The following ADGRB3 variants were observed in gnomAD, a reference collection of about 807,000 sequenced individuals.
The protein encoded by ADGRB3 is brain-specific angiogenesis inhibitor 3.
In ADGRB3, 37 loss-of-function variants were observed where a neutral mutation model predicts 193.4. The observed-to-expected ratio is 0.19, with a 90% CI of 0.15 to 0.25. The LOEUF (loss-of-function observed/expected upper bound fraction) is 0.25. Among genes scored for constraint, ADGRB3 ranks in the 10% least tolerant of loss-of-function variants. ADGRB3 has a pLI of 1.00. For missense variants in ADGRB3, 1,637 were observed against 1,852.9 expected (o/e 0.88, Z 2.14); for synonymous variants, 690 against 644.2 (o/e 1.07, Z -1.08).
rs953547088 is a variant in ADGRB3 at position 68,965,638 on chromosome 6, T to C, written c.1525+8829T>C. Reference sequence around the variant, plus strand: ...GATTAACAGCTAATCACTAGGTAATTGCTACCTTACTTTAAGGGGCATGCT... The same window carrying C: ...GATTAACAGCTAATCACTAGGTAATCGCTACCTTACTTTAAGGGGCATGCT... On this transcript the variant is annotated intron_variant, in intron 8 of 31. Coordinates refer to ENST00000370598, the MANE Select transcript of ADGRB3 (RefSeq NM_001704.3). 8.5e-5 allele frequency among the ~76,000 whole-genome samples: 13 copies of C among 152,170 alleles called. 1 individual carries two copies. Among genetic ancestry groups the C allele is most frequent in the African/African-American group, 2.9e-4 (12 of 41,448 alleles).
At chr6:69,179,797 T>C (rs1017772598) in intron 17 of ADGRB3, among the ~76,000 whole-genome samples, 10 of 152,212 alleles carry the variant, frequency 6.6e-5, no homozygotes, top group Admixed American at 2.6e-4. Context: ...GACTGTGCAG[T>C]TTGACTTACA....
chr6:69,171,975 AATTATTACAT>A (rs1775282441), intron 17 of ADGRB3, among the ~76,000 whole-genome samples: 1 of 152,196 alleles, frequency 6.6e-6, no homozygotes. Flanking sequence ...CATGCAAAGG[AATTATTACAT>A]ATGTCTTCCT....
chr6:69,160,992 T>G (rs1774970278), intron 17 of ADGRB3, among the ~76,000 whole-genome samples: 1 of 152,086 alleles, frequency 6.6e-6, no homozygotes, highest in Non-Finnish European at 1.5e-5. Flanking sequence ...CAAATCTTAA[T>G]TTTACCAGTT....
At chr6:69,262,204 C>T (rs953276891) in intron 20 of ADGRB3, among the ~76,000 whole-genome samples, 1 of 151,942 alleles carries the variant, frequency 6.6e-6, no homozygotes, top group South Asian at 2.1e-4. Flanking sequence ...TGGTTCATAG[C>T]GATCACATCT....
intron 26 of ADGRB3, among the ~76,000 whole-genome samples, chr6:69,341,590 T>G (rs559890907): frequency 6.6e-6 from 1 of 152,300 alleles, no homozygotes; most frequent in Non-Finnish European, 1.5e-5. Flanking sequence ...TTAGCAAGTT[T>G]CTACCTAGAA....
intron 3 of ADGRB3, among the ~76,000 whole-genome samples, chr6:68,878,825 A>G (rs545354050): frequency 1.1e-4 from 16 of 152,206 alleles, no homozygotes; most frequent in Non-Finnish European, 2.4e-4. Context: ...AAGCCTCACA[A>G]TCATGATGGA....
chr6:69,038,694 A>G (rs2150297061), intron 13 of ADGRB3, among the ~76,000 whole-genome samples: 1 of 152,354 alleles, frequency 6.6e-6, no homozygotes, highest in Non-Finnish European at 1.5e-5. Context: ...ATCACCTTAC[A>G]TTTCCCCATT....
chr6:68,954,902 C>T (rs951419228), intron 6 of ADGRB3, among the ~76,000 whole-genome samples: 1 of 151,998 alleles, frequency 6.6e-6, no homozygotes, highest in African/African-American at 2.4e-5. Context: ...AGAATGGTCT[C>T]GATCTCCTGA....
chr6:69,190,778 T>C (rs1378025031), intron 17 of ADGRB3, among the ~76,000 whole-genome samples: 1 of 152,170 alleles, frequency 6.6e-6, no homozygotes, highest in Admixed American at 6.6e-5. Flanking sequence ...ATATGTGTAC[T>C]GTTTTTATCT....
At chr6:69,036,580 TA>T (rs202185677) in intron 13 of ADGRB3, among the ~76,000 whole-genome samples, 12 of 150,512 alleles carry the variant, frequency 8.0e-5, no homozygotes, top group East Asian at 3.9e-4. Context: ...TAAGTCTATG[TA>T]AAAAAAAAAT....
chr6:68,860,789 G>A (rs925663254), intron 3 of ADGRB3, among the ~76,000 whole-genome samples: 1 of 152,146 alleles, frequency 6.6e-6, no homozygotes, highest in Non-Finnish European at 1.5e-5. Context: ...TCAAATGGTA[G>A]TTCTATTATT....
At position 68,848,307 on chromosome 6, in the gene ADGRB3, C is replaced by A. The variant is rs1768323843; in HGVS notation, c.758-82252C>A. Among the ~76,000 whole-genome samples, 5 of 152,006 alleles carry A rather than the reference C, an allele frequency of 3.3e-5. No homozygotes were observed. In the South Asian group the frequency reaches 1.0e-3, roughly 31 times the overall value. ...TAATAATACATGAATAAAACACAAT[C>A]TATTATCCCTATTAATAGCAACAAT... is the stretch of plus-strand genomic sequence containing the variant. On this transcript the variant is annotated intron_variant, in intron 3 of 31. Coordinates refer to ENST00000370598, the MANE Select transcript of ADGRB3 (RefSeq NM_001704.3).
At chr6:69,291,306 A>G (rs889332521) in intron 20 of ADGRB3, among the ~76,000 whole-genome samples, 2 of 152,132 alleles carry the variant, frequency 1.3e-5, no homozygotes, top group Non-Finnish European at 2.9e-5. Context: ...ACAGCCATGT[A>G]TTAGAGTATA....
chr6:68,865,334 A>G (rs893182942), intron 3 of ADGRB3, among the ~76,000 whole-genome samples: 1 of 152,016 alleles, frequency 6.6e-6, no homozygotes, highest in Admixed American at 6.6e-5. Flanking sequence ...CTTTTTTCCC[A>G]AGCACAAACT....
At position 68,759,075 on chromosome 6, in the gene ADGRB3, G is replaced by T. The variant is rs118162967; in HGVS notation, c.757+119643G>T. Reference sequence around the variant, plus strand: ...TTCAAAGATCACCTCATCGGAAGAGGCTACCCATGATAAAGTATTTTAAAG... The same window carrying T: ...TTCAAAGATCACCTCATCGGAAGAGTCTACCCATGATAAAGTATTTTAAAG... On this transcript the variant is annotated intron_variant, in intron 3 of 31. Transcript: ENST00000370598. Among the ~76,000 whole-genome samples the T allele has an allele frequency of 4.2e-3, 641 of 152,068 alleles. 4 individuals carry two copies. The highest frequency in any genetic ancestry group is 6.3e-3 in the Non-Finnish European group (431 of 67,952).
intron 12 of ADGRB3, among the ~76,000 whole-genome samples, chr6:69,018,182 A>G (rs772842635): frequency 7.9e-5 from 12 of 151,920 alleles, no homozygotes; most frequent in Non-Finnish European, 1.6e-4. Flanking sequence ...ATTAATCACT[A>G]CATCATATTA....
intron 3 of ADGRB3, among the ~76,000 whole-genome samples, chr6:68,770,636 G>T (rs1395138395): frequency 6.6e-6 from 1 of 152,086 alleles, no homozygotes; most frequent in Non-Finnish European, 1.5e-5. Context: ...GTAAGGGTTT[G>T]TCCTCAGTTT....
chr6:69,307,650 A>T (rs1768095477), intron 20 of ADGRB3, among the ~76,000 whole-genome samples: 1 of 151,356 alleles, frequency 6.6e-6, no homozygotes, highest in Admixed American at 6.6e-5. Flanking sequence ...TTTCAGTTTT[A>T]AAAATTTGTA....
chr6:69,138,032 G>A (rs972799628), intron 17 of ADGRB3, among the ~76,000 whole-genome samples: 6 of 152,192 alleles, frequency 3.9e-5, no homozygotes, highest in African/African-American at 2.4e-5. Context: ...GAATAACATG[G>A]AAGAGCAAAT....
Sources: gnomAD v4.1 joint callset for allele counts (sites outside exome capture counted in the v4.1 genomes callset) on GRCh38, gnomAD v4.1.1 for gene constraint, MANE v1.5 for transcripts, NCBI Gene and HGNC (gene_info 2026-07-23, HGNC 2026-07-21) for gene names.